The following C3orf20 variants were observed in gnomAD, a reference collection of about 807,000 sequenced individuals.
The protein encoded by C3orf20 is uncharacterized protein C3orf20.
C3orf20 carries 76 observed loss-of-function variants against 88.3 expected under a neutral mutation model. That is an observed-to-expected ratio of 0.86 (90% CI 0.72 to 1.04). The LOEUF is 1.04. C3orf20 is among the 50% of genes least tolerant of loss of function. The pLI is 0.00. For missense variants in C3orf20, 1,056 were observed against 1,123.3 expected, an observed-to-expected ratio of 0.94 and a Z score of 0.86; for synonymous variants, 436 against 437.4, an observed-to-expected ratio of 1.00 and a Z score of 0.04.
chr3:14,772,891 A>G lies in C3orf20; in HGVS notation c.*16A>G. 1 of 1,605,394 alleles carries G rather than the reference A, an allele frequency of 6.2e-7. No individual in the cohort carries two copies. Among genetic ancestry groups the G allele is most frequent in the Non-Finnish European group, 8.5e-7 (1 of 1,172,568 alleles). ...CAAGAAGTAGCGCCATCCTGGCAGC[A>G]GCCAAGTGAGCCAGGCCCCGGCCCG... On this transcript the variant is annotated 3_prime_UTR_variant, in exon 17 of 17. Coordinates refer to ENST00000253697, the MANE Select transcript of C3orf20 (RefSeq NM_032137.5). This position sits in a 1 kb window ranked among gnomAD's most constrained non-coding sequence, Gnocchi z 4.2.
intron 12 of C3orf20, among the ~76,000 whole-genome samples, chr3:14,738,824 T>TTTG (rs1190979363): frequency 1.4e-5 from 2 of 147,058 alleles, no homozygotes; most frequent in East Asian, 2.0e-4. Flanking sequence ...TGTTTTTTTT[T>TTTG]TTTTTTTTTT....
chr3:14,742,043 C>T (rs1451529534), intron 12 of C3orf20, among the ~76,000 whole-genome samples: 1 of 152,198 alleles, frequency 6.6e-6, no homozygotes, highest in Non-Finnish European at 1.5e-5. Context: ...TCAGTTTGGT[C>T]TGGTGTCTGA....
chr3:14,729,832 A>G (rs2034478758), intron 12 of C3orf20, among the ~76,000 whole-genome samples: 1 of 152,270 alleles, frequency 6.6e-6, no homozygotes, highest in Non-Finnish European at 1.5e-5. Flanking sequence ...GGCGTGAGCC[A>G]CTGCACCTGG....
At chr3:14,760,037 C>G in intron 14 of C3orf20, 39 bp downstream of exon 14, 2 of 1,425,174 alleles carry the variant, frequency 1.4e-6, no homozygotes, top group Non-Finnish European at 2.0e-6. Context: ...GCCTGCCACC[C>G]CAGCCGCAGC....
intron 8 of C3orf20, 151 bp from the exon 9 acceptor site, chr3:14,715,138 T>C (rs1489454396): frequency 5.4e-6 from 5 of 932,562 alleles, no homozygotes; most frequent in Non-Finnish European, 7.7e-6. Context: ...CCTCAGACCA[T>C]AGCAAGTGGG....
chr3:14,693,928 T>C (rs1049129758), intron 5 of C3orf20, among the ~76,000 whole-genome samples: 22 of 152,248 alleles, frequency 1.4e-4, no homozygotes, highest in African/African-American at 4.8e-4. Flanking sequence ...CAAATGCTTT[T>C]CCAGTATCAG....
chr3:14,757,720 G>A (rs1471732754), intron 13 of C3orf20, 46 bp downstream of exon 13: 1 of 1,556,952 alleles, frequency 6.4e-7, no homozygotes, highest in African/African-American at 1.4e-5. Flanking sequence ...AGGGGCAGGG[G>A]TAGTGGGGCA....
chr3:14,764,480 T>TTTTTTA (rs770013903), intron 15 of C3orf20, among the ~76,000 whole-genome samples: 6,796 of 148,720 alleles, frequency 0.046, 238 homozygotes, highest in Non-Finnish European at 0.068. Flanking sequence ...AACACAATCG[T>TTTTTTA]TTATTATTAT....
chr3:14,698,584 G>A, intron 5 of C3orf20, among the ~76,000 whole-genome samples: 1 of 152,218 alleles, frequency 6.6e-6, no homozygotes, highest in Non-Finnish European at 1.5e-5. Flanking sequence ...AGATTATCAG[G>A]TAGAGACTCT....
At position 14,772,270 on chromosome 3, in the gene C3orf20, T is replaced by G. The variant is rs1184240670; in HGVS notation, c.2630+69T>G. 6.2e-7 allele frequency: 1 copy of G among 1,602,230 alleles called. No individual in the cohort carries two copies. The highest frequency in any genetic ancestry group is 1.3e-5 in the African/African-American group (1 of 74,702). ...AGGCCACCTCGGGGCTATTTGGCCT[T>G]GGGCAAGTCACTACCCCCAGGCGTG... On this transcript the variant is annotated intron_variant, in intron 16 of 16. Coordinates refer to ENST00000253697, the MANE Select transcript of C3orf20 (RefSeq NM_032137.5). The surrounding 1 kb of genome is among the most constrained non-coding windows in gnomAD (Gnocchi z 4.2).
chr3:14,769,636 G>A (rs1029371800), intron 15 of C3orf20, among the ~76,000 whole-genome samples: 2 of 152,168 alleles, frequency 1.3e-5, no homozygotes, highest in African/African-American at 4.8e-5. Context: ...CCCTGAAGCA[G>A]GCGTCATGCC....
intron 4 of C3orf20, among the ~76,000 whole-genome samples, chr3:14,685,897 C>G (rs905823840): frequency 1.8e-4 from 20 of 113,098 alleles, no homozygotes; most frequent in African/African-American, 6.9e-4. Context: ...GAGTCTCGCT[C>G]TGTTGCCACG....
At chr3:14,739,731 T>C (rs966622206) in intron 12 of C3orf20, among the ~76,000 whole-genome samples, 1 of 152,264 alleles carries the variant, frequency 6.6e-6, no homozygotes, top group Non-Finnish European at 1.5e-5. Context: ...TCATCAATGA[T>C]CTTAACTAGA....
At chr3:14,730,525 T>C (rs6804832) in intron 12 of C3orf20, among the ~76,000 whole-genome samples, 134,549 of 152,058 alleles carry the variant, frequency 0.88, 59,629 homozygotes, top group Non-Finnish European at 0.91. Context: ...CCAGCCTGGG[T>C]GACAGAGCGA....
rs751924416 is a variant in C3orf20, at chr3:14,726,950, G to A, written c.1616G>A (p.Arg539Gln). 2.9e-5 allele frequency: 46 copies of A among 1,614,022 alleles called. No individual in the cohort carries two copies. The highest frequency in any genetic ancestry group is 6.7e-5 in the East Asian group (3 of 44,888). Residue 539 changes from arginine (R) to glutamine (Q), a missense_variant, in exon 11 of 17, where the codon CGA (arginine) becomes CAA (glutamine). By Grantham distance (43) the Arg-to-Gln change is conservative. Transcript: ENST00000253697. ...GACGACAAGGTGTATAAGATGAGCC[G>A]AGCCCTGGCTGAGATCAAGAAGCGG... ...NMDDKVYKMSRALAEIKKRFQ... is the reference protein window; with the variant it reads ...NMDDKVYKMSQALAEIKKRFQ...
At position 14,684,427 on chromosome 3, in the gene C3orf20, A is replaced by G. The variant is rs201361303; in HGVS notation, c.625+45A>G. On this transcript the variant is annotated intron_variant, in intron 4 of 16. Coordinates refer to ENST00000253697, the MANE Select transcript of C3orf20 (RefSeq NM_032137.5). ...CCCTTAGGTAAGAAGTGCAAACAATATCAGCAGGAATGCAATGGAAAGGCA... is the reference window on the plus strand; with the variant it reads ...CCCTTAGGTAAGAAGTGCAAACAATGTCAGCAGGAATGCAATGGAAAGGCA... 2.1e-3 allele frequency: 3,300 copies of G among 1,588,342 alleles called. 11 individuals are homozygous for G. Among genetic ancestry groups the G allele is most frequent in the Non-Finnish European group, 2.6e-3 (2,996 of 1,165,628 alleles).
At chr3:14,764,687 G>A (rs1261039512) in intron 15 of C3orf20, among the ~76,000 whole-genome samples, 1 of 152,168 alleles carries the variant, frequency 6.6e-6, no homozygotes, top group Admixed American at 6.5e-5. Flanking sequence ...GGTGGTCAGT[G>A]TGGACTGTCA....
At chr3:14,767,057 G>C (rs1463668663) in intron 15 of C3orf20, 1 of 152,382 alleles carries the variant, frequency 6.6e-6, no homozygotes, top group African/African-American at 2.4e-5. Flanking sequence ...TCCTCCTGCT[G>C]GGACCTCTCG....
chr3:14,739,629 C>G (rs905834922), intron 12 of C3orf20, among the ~76,000 whole-genome samples: 3 of 152,202 alleles, frequency 2.0e-5, no homozygotes, highest in African/African-American at 4.8e-5. Context: ...ATTGACTTCT[C>G]CTCTCTAGCT....
Sources: gnomAD v4.1 joint callset for allele counts (sites outside exome capture counted in the v4.1 genomes callset) on GRCh38, gnomAD v4.1.1 for gene constraint, Gnocchi (gnomAD v3.1) non-coding constraint, MANE v1.5 for transcripts, NCBI Gene and HGNC (gene_info 2026-07-23, HGNC 2026-07-21) for gene names.